Variants in METAP1 observed in about 807,000 individuals in gnomAD.
METAP1 encodes methionyl aminopeptidase 1.
In METAP1, 28 loss-of-function variants were observed where a neutral mutation model predicts 53.8. The observed-to-expected ratio is 0.52, with a 90% confidence interval of 0.39 to 0.71. The LOEUF (loss-of-function observed/expected upper bound fraction) is 0.71. Ranked by LOEUF, METAP1 falls within the 30% of genes least tolerant of loss-of-function variation. The pLI is 0.00. For missense variants in METAP1, 389 were observed against 479.8 expected (o/e 0.81, Z 1.77); for synonymous variants, 181 against 165.7 (o/e 1.09, Z -0.71).
At chr4:99,011,880 C>T (rs1057192874) in intron 1 of METAP1, among the ~76,000 whole-genome samples, 5 of 152,184 alleles carry the variant, frequency 3.3e-5, no homozygotes, top group African/African-American at 9.7e-5. Context: ...GCGGAGGTTG[C>T]GGTGAGCAGA....
chr4:99,012,301 C>T (rs1432191793), intron 1 of METAP1, among the ~76,000 whole-genome samples: 14 of 141,396 alleles, frequency 9.9e-5, no homozygotes, highest in Non-Finnish European at 1.4e-4. Context: ...GACAGTGTCT[C>T]GCTCTGTCAC....
At chr4:99,006,327 G>A (rs1165097412) in intron 1 of METAP1, among the ~76,000 whole-genome samples, 1 of 152,152 alleles carries the variant, frequency 6.6e-6, no homozygotes, top group East Asian at 1.9e-4. Flanking sequence ...ATTTTACTGA[G>A]TTTCTCTAGC....
intron 1 of METAP1, among the ~76,000 whole-genome samples, chr4:99,010,617 C>G (rs1723419767): frequency 6.6e-6 from 1 of 152,120 alleles, no homozygotes; most frequent in South Asian, 2.1e-4. Flanking sequence ...GTGAGTCTTC[C>G]AAATTTGCTC....
chr4:99,052,751 C>T (rs551218893), intron 9 of METAP1, among the ~76,000 whole-genome samples: 14 of 152,312 alleles, frequency 9.2e-5, no homozygotes, highest in African/African-American at 3.4e-4. Flanking sequence ...AATAAGACAA[C>T]AAAGTGTGTC....
At chr4:99,044,148 C>T (rs894115974) in intron 7 of METAP1, among the ~76,000 whole-genome samples, 7 of 152,054 alleles carry the variant, frequency 4.6e-5, no homozygotes, top group Non-Finnish European at 7.4e-5. Context: ...AGGCTGGTCT[C>T]AAACTCCTGG....
chr4:99,020,689 G>A (rs1269022309), intron 1 of METAP1, among the ~76,000 whole-genome samples: 1 of 152,174 alleles, frequency 6.6e-6, no homozygotes, highest in East Asian at 1.9e-4. Flanking sequence ...ATGGCATAGT[G>A]TATCTCTTCT....
intron 1 of METAP1, among the ~76,000 whole-genome samples, chr4:99,010,628 T>C (rs1723420268): frequency 6.6e-6 from 1 of 152,228 alleles, no homozygotes; most frequent in Admixed American, 6.5e-5. Context: ...AAATTTGCTC[T>C]TTTTCAGAAT....
intron 9 of METAP1, among the ~76,000 whole-genome samples, chr4:99,049,502 A>C (rs533327184): frequency 6.6e-6 from 1 of 152,292 alleles, no homozygotes; most frequent in South Asian, 2.1e-4. Flanking sequence ...AGAGGGGAAT[A>C]AACAAAGTGC....
chr4:99,059,068 G>A (rs762819187), intron 10 of METAP1, among the ~76,000 whole-genome samples: 4 of 152,216 alleles, frequency 2.6e-5, no homozygotes, highest in Non-Finnish European at 5.9e-5. Flanking sequence ...TTTTGGCTAC[G>A]TATTTCCATT....
At chr4:99,055,783 C>T (rs1253578123) in intron 9 of METAP1, among the ~76,000 whole-genome samples, 3 of 152,216 alleles carry the variant, frequency 2.0e-5, no homozygotes. Flanking sequence ...AGTCTTTCAT[C>T]CTTTTTACTT....
chr4:99,008,720 G>A (rs983593586), intron 1 of METAP1, among the ~76,000 whole-genome samples: 1 of 152,152 alleles, frequency 6.6e-6, no homozygotes, highest in Admixed American at 6.5e-5. Flanking sequence ...TGTCTTGGTA[G>A]TGGTGTGAGG....
rs1325287982 is a variant in METAP1 at position 99,043,255 on chromosome 4, A to T, written c.523A>T (p.Ile175Phe). 1.9e-6 allele frequency: 3 copies of T among 1,579,820 alleles called. No homozygotes were observed. The highest frequency in any genetic ancestry group is 2.6e-6 in the Non-Finnish European group (3 of 1,155,334). ...TATTTTTTCTGTATTATAGGCATGT[A>T]TTGCAAGAAATTGCTACCCTTCTCC... ...EIDHAVHLACIARNCYPSPLN... is the reference protein window; with the variant it reads ...EIDHAVHLACFARNCYPSPLN... The change falls in exon 7 of 11, where the codon ATT becomes TTT. Residue 175 changes from isoleucine to phenylalanine, a missense_variant. Physicochemically the swap from Ile to Phe is conservative, Grantham distance 21 (BLOSUM62 0). Coordinates refer to ENST00000296411, the MANE Select transcript of METAP1 (RefSeq NM_015143.3).
intron 1 of METAP1, among the ~76,000 whole-genome samples, chr4:99,008,528 T>G (rs1723294623): frequency 6.6e-6 from 1 of 152,218 alleles, no homozygotes; most frequent in Admixed American, 6.5e-5. Flanking sequence ...TTGTTTGGTT[T>G]CTTATCTTTC....
At chr4:99,028,099 C>T (rs934765735) in intron 1 of METAP1, among the ~76,000 whole-genome samples, 1 of 151,952 alleles carries the variant, frequency 6.6e-6, no homozygotes, top group Non-Finnish European at 1.5e-5. Flanking sequence ...TAACTTTGAA[C>T]TCTTTGAAGG....
chr4:99,021,674 C>T (rs1332302544), intron 1 of METAP1, among the ~76,000 whole-genome samples: 2 of 152,210 alleles, frequency 1.3e-5, no homozygotes, highest in African/African-American at 2.4e-5. Context: ...TACATCCTGA[C>T]ACAATCCCCT....
intron 9 of METAP1, among the ~76,000 whole-genome samples, chr4:99,054,458 G>A (rs992855771): frequency 2.6e-5 from 4 of 152,144 alleles, no homozygotes; most frequent in African/African-American, 7.2e-5. Context: ...GAATGTTGTC[G>A]GTTGTGTGAT....
chr4:99,031,481 C>T, intron 2 of METAP1: 4 of 1,285,484 alleles, frequency 3.1e-6, no homozygotes, highest in Non-Finnish European at 3.0e-6. Flanking sequence ...CCCATTCACA[C>T]TAGTGTGCCT....
In METAP1 at chr4:99,035,415, G is replaced by T. The variant is rs1344922679; in HGVS notation, c.295G>T (p.Val99Leu). The T allele has an allele frequency of 6.5e-7, 1 of 1,548,346 alleles. No individual in the cohort carries two copies. The highest frequency in any genetic ancestry group is 1.2e-5 in the South Asian group (1 of 83,948). ...TTGTTTTTAGATGCCAACAAGGCCAGTGCCAAGTTATATTCAAAGACCAGA... is the reference window on the plus strand; with the variant it reads ...TTGTTTTTAGATGCCAACAAGGCCATTGCCAAGTTATATTCAAAGACCAGA... ...PHYPLMPTRP[V>L]PSYIQRPDYA... The change falls in exon 4 of 11, where the codon GTG (valine) becomes TTG (leucine). Residue 99 changes from valine (V) to leucine (L), a missense_variant. Val to Leu is a conservative substitution (Grantham distance 32). Transcript: ENST00000296411.
chr4:99,022,405 T>A, intron 1 of METAP1: 2 of 738,342 alleles, frequency 2.7e-6, no homozygotes, highest in Non-Finnish European at 4.1e-6. Flanking sequence ...GGAGTGGGCC[T>A]TGTCCTAGGC....
Sources: gnomAD v4.1 joint callset for allele counts (sites outside exome capture counted in the v4.1 genomes callset) on GRCh38, gnomAD v4.1.1 for gene constraint, MANE v1.5 for transcripts, NCBI Gene and HGNC (gene_info 2026-07-23, HGNC 2026-07-21) for gene names.